NAV2: variants seen among roughly 807,000 people sequenced by gnomAD.
NAV2 encodes neuron navigator 2, also known as helicase, APC down-regulated 1.
A neutral mutation model predicts 223.2 loss-of-function variants in NAV2; 54 were observed. The ratio of observed to expected loss-of-function variants is 0.24; its 90% CI spans 0.19 to 0.30. The LOEUF is 0.30. Among genes scored for constraint, NAV2 ranks in the 10% least tolerant of loss-of-function variants. The probability of loss-of-function intolerance (pLI) is 1.00; values close to 1 mark genes in which losing one functional copy is unlikely to be tolerated. For synonymous variants in NAV2, 1,279 were observed against 1,239.3 expected (o/e 1.03, Z -0.67); for missense variants, 2,806 against 3,147.5 (o/e 0.89, Z 2.60).
At position 19,949,059 on chromosome 11, in the gene NAV2, G is replaced by A. The variant is rs201014298; in HGVS notation, c.2624G>A (p.Arg875Gln). The A allele has an allele frequency of 6.6e-5, 106 of 1,607,648 alleles. 1 individual carries two copies. In the East Asian group the frequency reaches 1.2e-3, roughly 18 times the overall value. The change falls in exon 10 of 38, where the codon CGG becomes CAG. Residue 875 changes from arginine (R) to glutamine (Q), a missense_variant. Arg to Gln is a conservative substitution (Grantham distance 43, BLOSUM62 1). This residue lies in a region of NAV2 where 1,167 missense variants were observed against 1,180.5 expected (regional missense o/e 0.99). Transcript: ENST00000349880. The stretch of plus-strand genomic sequence containing the variant: ...GGGGATGTTCTGAGCAAGAACATCC[G>A]GACCGATGACATTACAAGCGGGTAA... ...SDGDVLSKNIRTDDITSGYMT... is the reference protein window; with the variant it reads ...SDGDVLSKNIQTDDITSGYMT...
chr11:19,533,676 G>GTCTC (rs200273495), intron 1 of NAV2, among the ~76,000 whole-genome samples: 6 of 147,342 alleles, frequency 4.1e-5, no homozygotes, highest in South Asian at 2.2e-4. Context: ...CTGTCTGTCT[G>GTCTC]TCTCTCTCTC....
intron 1 of NAV2, among the ~76,000 whole-genome samples, chr11:19,489,098 A>G (rs1407744000): frequency 1.3e-5 from 2 of 152,170 alleles, no homozygotes; most frequent in East Asian, 3.9e-4. Context: ...TTCTCCATGG[A>G]CAGAGAAAGA....
chr11:19,441,983 T>C (rs1851420440), intron 1 of NAV2, among the ~76,000 whole-genome samples: 1 of 152,190 alleles, frequency 6.6e-6, no homozygotes, highest in African/African-American at 2.4e-5. Flanking sequence ...CAACGTGTGG[T>C]TTAATTGTGC....
At chr11:19,392,147 G>T (rs1432391829) in intron 1 of NAV2, among the ~76,000 whole-genome samples, 1 of 152,108 alleles carries the variant, frequency 6.6e-6, no homozygotes, top group Non-Finnish European at 1.5e-5. Flanking sequence ...ATGGAATAGT[G>T]GGTATGGGCA....
In NAV2 at chr11:19,714,565, C is replaced by G. The variant is rs2050130476; in HGVS notation, c.267+603C>G. ...TGCGGTACTAGTGCACCAGCTGAGGCCGGCAGCTGGAGACTCCTAGCGCCT... is the reference window on the plus strand; with the variant it reads ...TGCGGTACTAGTGCACCAGCTGAGGGCGGCAGCTGGAGACTCCTAGCGCCT... On this transcript the variant is annotated intron_variant, in intron 1 of 37. Transcript: ENST00000349880. 6 of 432,994 alleles carry G rather than the reference C, an allele frequency of 1.4e-5. No individual in the cohort carries two copies. The Admixed American group carries it at 1.4e-4, about 10-fold the overall frequency. 26.8% of individuals were successfully genotyped at this position (432,994 alleles called of 1,614,324 possible).
intron 19 of NAV2, 109 bp downstream of exon 19, chr11:20,056,066 C>T (rs1339544195): frequency 1.0e-6 from 1 of 998,156 alleles, no homozygotes; most frequent in Non-Finnish European, 1.5e-6. Context: ...TGAGAGCCCA[C>T]CTATAAGTGC....
chr11:20,022,507 C>T, intron 11 of NAV2: 1 of 980,758 alleles, frequency 1.0e-6, no homozygotes, highest in Non-Finnish European at 1.2e-6. Flanking sequence ...GTTAACTGTA[C>T]AAACAGGTAT....
chr11:19,981,945 T>C (rs191804762), intron 10 of NAV2, among the ~76,000 whole-genome samples: 2 of 152,076 alleles, frequency 1.3e-5, no homozygotes, highest in Non-Finnish European at 1.5e-5. Flanking sequence ...GCAAAAAAAA[T>C]TTGCACAGCC....
chr11:20,018,821 A>C (rs1189558485), intron 11 of NAV2, among the ~76,000 whole-genome samples: 2 of 152,212 alleles, frequency 1.3e-5, no homozygotes, highest in African/African-American at 4.8e-5. Context: ...GCCAGAGTCT[A>C]AGAGGAAATC....
At chr11:19,717,292 T>C (rs1416277576) in intron 1 of NAV2, among the ~76,000 whole-genome samples, 2 of 152,190 alleles carry the variant, frequency 1.3e-5, no homozygotes, top group Non-Finnish European at 2.9e-5. Context: ...GATTTTATAA[T>C]CTAGTTGGGA....
chr11:20,034,764 G>A (rs939183318), intron 11 of NAV2, among the ~76,000 whole-genome samples: 14 of 152,188 alleles, frequency 9.2e-5, no homozygotes, highest in African/African-American at 2.7e-4. Flanking sequence ...ACAGGGTGAC[G>A]TGACAGAGTG....
chr11:19,522,057 G>T (rs894065117), intron 1 of NAV2, among the ~76,000 whole-genome samples: 1 of 152,180 alleles, frequency 6.6e-6, no homozygotes, highest in African/African-American at 2.4e-5. Context: ...ATTTTTGTTT[G>T]TAAAGTGAGG....
At chr11:19,704,093 A>G (rs980868966) in intron 1 of NAV2, among the ~76,000 whole-genome samples, 1 of 151,058 alleles carries the variant, frequency 6.6e-6, no homozygotes, top group African/African-American at 2.5e-5. Context: ...TTCTTGTTTA[A>G]GGAGTACTGG....
At chr11:19,895,324 G>A (rs1036406656) in intron 6 of NAV2, among the ~76,000 whole-genome samples, 5 of 152,004 alleles carry the variant, frequency 3.3e-5, no homozygotes, top group South Asian at 2.1e-4. Context: ...TGATCTGCCC[G>A]CCTCGGCCTG....
chr11:19,510,244 G>A (rs1439205024), intron 1 of NAV2, among the ~76,000 whole-genome samples: 3 of 152,198 alleles, frequency 2.0e-5, no homozygotes, highest in Admixed American at 6.5e-5. Context: ...AGCACATTAA[G>A]TGTGTGAAGT....
At chr11:19,958,303 CTA>C (rs2048056599) in intron 10 of NAV2, among the ~76,000 whole-genome samples, 1 of 152,198 alleles carries the variant, frequency 6.6e-6, no homozygotes, top group African/African-American at 2.4e-5. Flanking sequence ...ATGTTAAAGA[CTA>C]TGCTAAAAGC....
intron 1 of NAV2, among the ~76,000 whole-genome samples, chr11:19,678,062 G>C (rs2048767455): frequency 6.6e-6 from 1 of 152,178 alleles, no homozygotes; most frequent in African/African-American, 2.4e-5. Flanking sequence ...TCTCCAGAGG[G>C]AGAGGCTGCG....
At chr11:19,530,506 A>G (rs1299427019) in intron 1 of NAV2, among the ~76,000 whole-genome samples, 1 of 152,212 alleles carries the variant, frequency 6.6e-6, no homozygotes, top group Non-Finnish European at 1.5e-5. Flanking sequence ...AGAACACTGA[A>G]GCTCAGAGGG....
chr11:19,687,288 G>A (rs1170292416), intron 1 of NAV2, among the ~76,000 whole-genome samples: 1 of 152,214 alleles, frequency 6.6e-6, no homozygotes, highest in Non-Finnish European at 1.5e-5. Context: ...CCAGAAAAGA[G>A]CTAGAAATAT....
Sources: allele counts gnomAD v4.1 joint callset (sites outside exome capture counted in the v4.1 genomes callset), GRCh38; gene constraint gnomAD v4.1.1; regional missense constraint gnomAD v4.1.1; transcripts MANE v1.5; gene names NCBI Gene and HGNC (gene_info 2026-07-23, HGNC 2026-07-21).